DHX35: variants seen among roughly 807,000 people sequenced by gnomAD.
The protein encoded by DHX35 is DEAH-box helicase 35.
In DHX35, 84 loss-of-function variants were observed where a neutral mutation model predicts 99.6. The observed-to-expected ratio is 0.84, with a 90% CI of 0.71 to 1.01. The LOEUF (loss-of-function observed/expected upper bound fraction) is 1.01, where lower values mean the gene tolerates loss of function less well. Ranked by LOEUF, DHX35 falls within the 50% of genes least tolerant of loss-of-function variation. The pLI, the probability that DHX35 is intolerant of heterozygous loss-of-function variation, is 0.00. For synonymous variants in DHX35, 331 were observed against 316.2 expected (o/e 1.05, Z -0.50); for missense variants, 852 against 888.5 (o/e 0.96, Z 0.52).
chr20:39,030,907 A>G, intron 20 of DHX35, 132 bp downstream of exon 20: 1 of 961,290 alleles, frequency 1.0e-6, no homozygotes, highest in Admixed American at 2.4e-5. Context: ...TCACGCCTGT[A>G]ATCCCAGCAC....
chr20:38,962,504 C>G lies in DHX35; in HGVS notation c.40+97C>G, dbSNP rs2085847221. 9 of 1,461,560 alleles carry G rather than the reference C, an allele frequency of 6.2e-6. No individual in the cohort carries two copies. In the South Asian group the frequency reaches 9.8e-5, roughly 16 times the overall value. 90.5% of individuals were successfully genotyped at this position (1,461,560 alleles called of 1,614,324 possible). On this transcript the variant is annotated intron_variant, in intron 1 of 21. Coordinates refer to ENST00000252011, the MANE Select transcript of DHX35 (RefSeq NM_021931.4). ...TGGGGCCAGCAGACCTGCTCGCAGG[C>G]CTGACCTCGGCGAGCTGGGCGCTGC...
chr20:38,992,553 C>T (rs1024099580), intron 7 of DHX35, 128 bp downstream of exon 7: 2 of 851,494 alleles, frequency 2.3e-6, no homozygotes, highest in Non-Finnish European at 3.9e-6. Flanking sequence ...CATAATCCTA[C>T]CCATTCAGAG....
At chr20:38,970,536 A>G (rs554866944) in intron 2 of DHX35, among the ~76,000 whole-genome samples, 7 of 152,208 alleles carry the variant, frequency 4.6e-5, no homozygotes, top group Admixed American at 4.6e-4. Flanking sequence ...AAGTGTCCGG[A>G]CTCTGGAGCT....
chr20:39,020,854 G>C (rs1211093731), intron 15 of DHX35, among the ~76,000 whole-genome samples: 1 of 151,972 alleles, frequency 6.6e-6, no homozygotes, highest in Non-Finnish European at 1.5e-5. Context: ...GTAGAGATGG[G>C]GTTTCACTAT....
chr20:38,972,576 A>C lies in DHX35; in HGVS notation c.192A>C (p.Leu64Phe). 6.2e-7 allele frequency: 1 copy of C among 1,610,614 alleles called. No homozygotes were observed. The highest frequency in any genetic ancestry group is 8.5e-7 in the Non-Finnish European group (1 of 1,177,074). Reference protein sequence around the residue: ...LPVFKLRNHILYLIENYQTVV... With the variant: ...LPVFKLRNHIFYLIENYQTVV... ...TTTTTCAGCTTAGGAATCATATTTT[A>C]TACTTGATAGAAAATTATCAGACAG... Residue 64 changes from leucine to phenylalanine, a missense_variant, in exon 3 of 22, where the codon TTA (leucine) becomes TTC (phenylalanine). Transcript: ENST00000252011.
At chr20:39,010,462 TC>T in intron 13 of DHX35, 58 bp downstream of exon 13, 2 of 1,602,520 alleles carry the variant, frequency 1.2e-6, no homozygotes, top group South Asian at 2.2e-5. Flanking sequence ...CAGGGGGATG[TC>T]AGGACATTGT....
chr20:38,976,413 C>T (rs1456107349), intron 3 of DHX35, among the ~76,000 whole-genome samples: 3 of 128,914 alleles, frequency 2.3e-5, no homozygotes. Flanking sequence ...TTTAGTATGC[C>T]TTGACTTTTT....
chr20:39,010,022 T>G (rs1042154690), intron 12 of DHX35, among the ~76,000 whole-genome samples: 1 of 152,176 alleles, frequency 6.6e-6, no homozygotes, highest in Non-Finnish European at 1.5e-5. Context: ...AATGTTTTGC[T>G]GACAAAAAAC....
Position 39,030,733 on chromosome 20 carries a change from T to G in DHX35, c.1913T>G (p.Ile638Arg). Reference sequence around the variant, plus strand: ...ATCCGTGATGACCATGAGCTGCACATACACCCTGCGTCAGTCCTCTATGCA... The same window carrying G: ...ATCCGTGATGACCATGAGCTGCACAGACACCCTGCGTCAGTCCTCTATGCA... ...RTIRDDHELHIHPASVLYAEK... is the reference protein window; with the variant it reads ...RTIRDDHELHRHPASVLYAEK... The change falls in exon 20 of 22, where the codon ATA (isoleucine) becomes AGA (arginine). Residue 638 changes from isoleucine (I) to arginine (R), a missense_variant. Transcript: ENST00000252011. 1 of 1,614,174 alleles carries G rather than the reference T, an allele frequency of 6.2e-7. No individual in the cohort carries two copies. The highest frequency in any genetic ancestry group is 8.5e-7 in the Non-Finnish European group (1 of 1,180,038).
At chr20:38,968,912 A>G (rs1156480997) in intron 1 of DHX35, among the ~76,000 whole-genome samples, 169 bp from the exon 2 acceptor site, 2 of 152,202 alleles carry the variant, frequency 1.3e-5, no homozygotes, top group Non-Finnish European at 2.9e-5. Context: ...AGTTCCTCGT[A>G]GGCACTTTTC....
At chr20:39,006,950 T>A (rs1417297079) in intron 12 of DHX35, among the ~76,000 whole-genome samples, 1 of 152,206 alleles carries the variant, frequency 6.6e-6, no homozygotes, top group South Asian at 2.1e-4. Context: ...GCCTTACCTA[T>A]AGACAGTGAT....
At chr20:38,978,289 C>T in intron 3 of DHX35, 1 of 765,708 alleles carries the variant, frequency 1.3e-6, no homozygotes, top group Non-Finnish European at 2.4e-6. Flanking sequence ...GCTGACCGTT[C>T]TTAAAGATAA....
At position 39,038,566 on chromosome 20, in the gene DHX35, C is replaced by T; in HGVS notation, c.*23C>T. On this transcript the variant is annotated 3_prime_UTR_variant, in exon 22 of 22. Coordinates refer to ENST00000252011, the MANE Select transcript of DHX35 (RefSeq NM_021931.4). ...TGAGAGGAGCCCACAGCTACAGCTG[C>T]AGGGACTGCTGGCGTCCTCTCCTCC... 1.2e-6 allele frequency: 2 copies of T among 1,608,780 alleles called. No individual in the cohort carries two copies. Among genetic ancestry groups the T allele is most frequent in the South Asian group, 1.1e-5 (1 of 90,760 alleles).
In DHX35 at chr20:39,003,958, T is replaced by C. The variant is rs1289547727; in HGVS notation, c.1011+51T>C. The C allele has an allele frequency of 2.5e-6, 4 of 1,597,508 alleles. No homozygotes were observed. In the Admixed American group the frequency reaches 5.1e-5, roughly 20 times the overall value. On this transcript the variant is annotated intron_variant, in intron 11 of 21. Coordinates refer to ENST00000252011, the MANE Select transcript of DHX35 (RefSeq NM_021931.4). ...TGTTGGCAGCCGTCTATAATCATAATGATGCTCCTTTACTTGTTTTGAAAC... is the reference window on the plus strand; with the variant it reads ...TGTTGGCAGCCGTCTATAATCATAACGATGCTCCTTTACTTGTTTTGAAAC...
chr20:38,995,401 A>AT (rs913401611), intron 8 of DHX35, among the ~76,000 whole-genome samples: 8 of 152,166 alleles, frequency 5.3e-5, no homozygotes, highest in African/African-American at 1.9e-4. Flanking sequence ...GTACATGCCT[A>AT]TAATCCCAGC....
intron 2 of DHX35, among the ~76,000 whole-genome samples, chr20:38,971,123 C>T (rs1195008461): frequency 5.9e-5 from 9 of 151,958 alleles, no homozygotes; most frequent in African/African-American, 1.9e-4. Flanking sequence ...GAGGCTGAGG[C>T]GGGTGGATCA....
intron 1 of DHX35, among the ~76,000 whole-genome samples, chr20:38,963,581 T>C (rs1157271358): frequency 6.6e-6 from 1 of 152,274 alleles, no homozygotes; most frequent in African/African-American, 2.4e-5. Context: ...ATACTTTTAA[T>C]TTATTCACGC....
At chr20:39,010,069 G>A (rs1286716604) in intron 12 of DHX35, among the ~76,000 whole-genome samples, 1 of 152,124 alleles carries the variant, frequency 6.6e-6, no homozygotes, top group Non-Finnish European at 1.5e-5. Context: ...TTTTATAAAG[G>A]TGTATTCAAA....
At chr20:38,993,116 TG>T (rs146587552) in intron 7 of DHX35, among the ~76,000 whole-genome samples, 7,751 of 152,204 alleles carry the variant, frequency 0.051, 247 homozygotes, top group Non-Finnish European at 0.076. Flanking sequence ...TAGAAAGAAG[TG>T]GTAGAACAGG....
Sources: gnomAD v4.1 joint callset for allele counts (sites outside exome capture counted in the v4.1 genomes callset) on GRCh38, gnomAD v4.1.1 for gene constraint, MANE v1.5 for transcripts, NCBI Gene and HGNC (gene_info 2026-07-23, HGNC 2026-07-21) for gene names.